The following ROBO2 variants were observed in gnomAD, a reference collection of about 807,000 sequenced individuals.
ROBO2 encodes the protein roundabout homolog 2.
A neutral mutation model predicts 160.8 loss-of-function variants in ROBO2; 53 were observed. The ratio of observed to expected loss-of-function variants is 0.33; its 90% confidence interval spans 0.26 to 0.41. The LOEUF (loss-of-function observed/expected upper bound fraction) is 0.41, where lower values mean the gene tolerates loss of function less well. Ranked by LOEUF, ROBO2 falls within the 10% of genes least tolerant of loss-of-function variation. ROBO2 has a pLI of 1.00. For synonymous variants in ROBO2, 664 were observed against 611.7 expected, an observed-to-expected ratio of 1.09 and a Z score of -1.26; for missense variants, 1,577 against 1,722.4, an observed-to-expected ratio of 0.92 and a Z score of 1.49.
At chr3:77,517,892 A>G (rs1163187036) in intron 5 of ROBO2, among the ~76,000 whole-genome samples, 1 of 151,348 alleles carries the variant, frequency 6.6e-6, no homozygotes, top group East Asian at 1.9e-4. Flanking sequence ...CGTGTAGTGT[A>G]TTTGTAGTTC....
intron 2 of ROBO2, among the ~76,000 whole-genome samples, chr3:77,269,016 T>C (rs1268470141): frequency 2.0e-5 from 3 of 152,248 alleles, no homozygotes; most frequent in Non-Finnish European, 4.4e-5. Flanking sequence ...ATATGTTTTA[T>C]ATAATATCTC....
chr3:76,419,793 T>C (rs1301475184), intron 2 of ROBO2, among the ~76,000 whole-genome samples: 3 of 152,154 alleles, frequency 2.0e-5, no homozygotes, highest in Admixed American at 2.0e-4. Context: ...TTGGACTGAA[T>C]AGCTATTTCC....
chr3:76,555,312 A>C (rs1263398918), intron 2 of ROBO2, among the ~76,000 whole-genome samples: 1 of 150,458 alleles, frequency 6.6e-6, no homozygotes, highest in Non-Finnish European at 1.5e-5. Context: ...GGTACCCAGG[A>C]GCATGTCAAA....
intron 4 of ROBO2, among the ~76,000 whole-genome samples, chr3:77,484,580 T>C (rs920315227): frequency 6.6e-6 from 1 of 151,666 alleles, no homozygotes; most frequent in Non-Finnish European, 1.5e-5. Flanking sequence ...TTTTATCTAA[T>C]TATTCTGGGA....
At chr3:76,091,313 C>T (rs1434729141) in intron 2 of ROBO2, among the ~76,000 whole-genome samples, 1 of 152,060 alleles carries the variant, frequency 6.6e-6, no homozygotes, top group Non-Finnish European at 1.5e-5. Context: ...AAAGACGGAA[C>T]ATAAAATAAG....
chr3:76,090,757 G>A (rs2069199415), intron 2 of ROBO2, among the ~76,000 whole-genome samples: 3 of 151,652 alleles, frequency 2.0e-5, no homozygotes, highest in South Asian at 2.1e-4. Context: ...AGAACGGAAC[G>A]GAACGGAACG....
At chr3:77,396,075 A>AG (rs1358400642) in intron 2 of ROBO2, among the ~76,000 whole-genome samples, 1 of 151,956 alleles carries the variant, frequency 6.6e-6, no homozygotes, top group Non-Finnish European at 1.5e-5. Context: ...ACTTAAAAAA[A>AG]AAAAGAAAAG....
At chr3:75,997,721 C>T (rs576782830) in intron 2 of ROBO2, among the ~76,000 whole-genome samples, 1 of 152,148 alleles carries the variant, frequency 6.6e-6, no homozygotes, top group African/African-American at 2.4e-5. Flanking sequence ...TCTCGATCTC[C>T]TGACCTCGTG....
chr3:77,575,879 C>G (rs2093750000), intron 14 of ROBO2, among the ~76,000 whole-genome samples: 1 of 152,052 alleles, frequency 6.6e-6, no homozygotes, highest in Non-Finnish European at 1.5e-5. Flanking sequence ...GACTTTTCCT[C>G]TGGATTAGAC....
intron 2 of ROBO2, among the ~76,000 whole-genome samples, chr3:76,798,307 AGAAAGAAAAAAGAACGAAT>A: frequency 6.6e-6 from 1 of 151,016 alleles, no homozygotes; most frequent in African/African-American, 2.5e-5. Context: ...AAAGAAAGAA[AGAAAGAAAAAAGAACGAAT>A]GAACTAAAGG....
chr3:77,158,143 A>T (rs371456792), intron 2 of ROBO2, among the ~76,000 whole-genome samples: 1 of 152,216 alleles, frequency 6.6e-6, no homozygotes, highest in African/African-American at 2.4e-5. Context: ...GAAAACTTTG[A>T]AGGATATTTA....
chr3:75,920,776 T>C (rs1947006936), intron 1 of ROBO2, among the ~76,000 whole-genome samples: 1 of 152,180 alleles, frequency 6.6e-6, no homozygotes, highest in South Asian at 2.1e-4. Context: ...CCTTTACTAC[T>C]ACGTAATGCC....
chr3:77,358,885 A>T (rs1207911566), intron 2 of ROBO2, among the ~76,000 whole-genome samples: 2 of 152,182 alleles, frequency 1.3e-5, no homozygotes, highest in Admixed American at 6.6e-5. Flanking sequence ...TGGTAAGGTA[A>T]ATTATTATAG....
At chr3:76,007,398 T>G (rs2066054210) in intron 2 of ROBO2, among the ~76,000 whole-genome samples, 1 of 152,186 alleles carries the variant, frequency 6.6e-6, no homozygotes, top group African/African-American at 2.4e-5. Flanking sequence ...CACATGGATA[T>G]CCTCCATTGT....
chr3:77,388,881 C>T (rs146536781), intron 2 of ROBO2, among the ~76,000 whole-genome samples: 2 of 152,306 alleles, frequency 1.3e-5, no homozygotes, highest in Admixed American at 1.3e-4. Context: ...CATTTTAATA[C>T]ATAGAATGTA....
chr3:76,444,845 G>A (rs1228364100), intron 2 of ROBO2, among the ~76,000 whole-genome samples: 1 of 152,060 alleles, frequency 6.6e-6, no homozygotes, highest in Non-Finnish European at 1.5e-5. Flanking sequence ...CAAAATATAT[G>A]GGGAACATTT....
intron 20 of ROBO2, among the ~76,000 whole-genome samples, chr3:77,604,437 T>C (rs573258874): frequency 6.6e-6 from 1 of 152,264 alleles, no homozygotes; most frequent in African/African-American, 2.4e-5. Context: ...TCTTTAAGTA[T>C]TCTATATGTG....
At chr3:76,834,476 A>C (rs559643695) in intron 2 of ROBO2, among the ~76,000 whole-genome samples, 1 of 151,994 alleles carries the variant, frequency 6.6e-6, no homozygotes, top group African/African-American at 2.4e-5. Context: ...AGGTTTAAGT[A>C]ATTCTCATGC....
chr3:77,572,286 T>C (rs1044106642), intron 13 of ROBO2, among the ~76,000 whole-genome samples: 2 of 152,060 alleles, frequency 1.3e-5, no homozygotes, highest in African/African-American at 2.4e-5. Flanking sequence ...TTTTAACATA[T>C]ACTGCAAGGG....
Sources: gnomAD v4.1 joint callset for allele counts (sites outside exome capture counted in the v4.1 genomes callset) on GRCh38, gnomAD v4.1.1 for gene constraint, MANE v1.5 for transcripts, NCBI Gene and HGNC (gene_info 2026-07-23, HGNC 2026-07-21) for gene names.